Variants in GRM8 observed in about 807,000 individuals in gnomAD.
The protein encoded by GRM8 is metabotropic glutamate receptor 8.
GRM8 carries 47 observed loss-of-function variants against 87.2 expected under a neutral mutation model. The ratio of observed to expected loss-of-function variants is 0.54; its 90% CI spans 0.43 to 0.69. The LOEUF is 0.69. Ranked by LOEUF, GRM8 falls within the 30% of genes least tolerant of loss-of-function variation. The pLI, the probability that GRM8 is intolerant of heterozygous loss-of-function variation, is 0.00. For synonymous variants in GRM8, 396 were observed against 404.5 expected, an observed-to-expected ratio of 0.98 and a Z score of 0.25; for missense variants, 1,019 against 1,139.2, an observed-to-expected ratio of 0.89 and a Z score of 1.52.
At chr7:126,682,601 A>G (rs923408262) in intron 7 of GRM8, among the ~76,000 whole-genome samples, 3 of 152,222 alleles carry the variant, frequency 2.0e-5, no homozygotes, top group African/African-American at 7.2e-5. Flanking sequence ...GCCTGCCAAT[A>G]TTTTAGCAAA....
intron 8 of GRM8, among the ~76,000 whole-genome samples, chr7:126,568,751 T>C (rs1477881673): frequency 6.6e-6 from 1 of 152,138 alleles, no homozygotes; most frequent in East Asian, 1.9e-4. Flanking sequence ...TTCCATAAGA[T>C]TTTGATAATC....
At chr7:126,483,289 C>T (rs1253231401) in intron 9 of GRM8, among the ~76,000 whole-genome samples, 2 of 147,882 alleles carry the variant, frequency 1.4e-5, no homozygotes, top group Non-Finnish European at 3.0e-5. Flanking sequence ...TTTATCTGGT[C>T]TAGAGTATAT....
intron 9 of GRM8, among the ~76,000 whole-genome samples, chr7:126,476,269 A>G (rs762621746): frequency 9.2e-5 from 14 of 152,054 alleles, no homozygotes; most frequent in Non-Finnish European, 7.4e-5. Context: ...GAAAATAAAA[A>G]GATTAGCCAG....
chr7:126,994,057 G>C (rs10236227), intron 3 of GRM8, among the ~76,000 whole-genome samples: 51,134 of 152,032 alleles, frequency 0.34, 8,736 homozygotes, highest in Middle Eastern at 0.38. Context: ...AGGCAGGAAA[G>C]CTTGCAGCAA....
intron 7 of GRM8, among the ~76,000 whole-genome samples, chr7:126,750,651 T>C (rs1280854498): frequency 6.6e-6 from 1 of 152,126 alleles, no homozygotes; most frequent in Non-Finnish European, 1.5e-5. Flanking sequence ...TGTCTTCCAA[T>C]TCTTTAAAAC....
intron 6 of GRM8, among the ~76,000 whole-genome samples, chr7:126,884,078 T>C (rs1444931725): frequency 2.6e-5 from 4 of 152,124 alleles, no homozygotes; most frequent in Non-Finnish European, 5.9e-5. Context: ...GATTTTTTTC[T>C]ATTAGTTCCC....
At chr7:127,085,373 T>C (rs1046471301) in intron 3 of GRM8, among the ~76,000 whole-genome samples, 3 of 152,198 alleles carry the variant, frequency 2.0e-5, no homozygotes, top group African/African-American at 7.2e-5. Context: ...TTGTAGATCC[T>C]TGAGGAATCA....
chr7:126,836,895 G>A (rs1795864156), intron 6 of GRM8, among the ~76,000 whole-genome samples: 1 of 152,026 alleles, frequency 6.6e-6, no homozygotes, highest in African/African-American at 2.4e-5. Context: ...TTAAATTAAT[G>A]AAATCCCAGT....
chr7:126,503,143 TTCA>T (rs1185920123), intron 9 of GRM8, among the ~76,000 whole-genome samples: 1 of 151,976 alleles, frequency 6.6e-6, no homozygotes, highest in East Asian at 1.9e-4. Flanking sequence ...ATTGCTAGCC[TTCA>T]TCTTCTCCTG....
intron 7 of GRM8, among the ~76,000 whole-genome samples, chr7:126,655,981 T>C (rs922577864): frequency 6.6e-6 from 1 of 152,218 alleles, no homozygotes; most frequent in Non-Finnish European, 1.5e-5. Flanking sequence ...CAACCCTTTC[T>C]TCATAGCTGG....
At chr7:127,127,925 T>C (rs955573037) in intron 2 of GRM8, among the ~76,000 whole-genome samples, 1 of 152,062 alleles carries the variant, frequency 6.6e-6, no homozygotes, top group Non-Finnish European at 1.5e-5. Context: ...TCAACACTCA[T>C]GTTCATGCAA....
chr7:127,234,592 G>A (rs1797877620), intron 2 of GRM8, among the ~76,000 whole-genome samples: 1 of 152,298 alleles, frequency 6.6e-6, no homozygotes, highest in Non-Finnish European at 1.5e-5. Flanking sequence ...CAATTTGTAT[G>A]GAGCAGTGCT....
intron 9 of GRM8, among the ~76,000 whole-genome samples, chr7:126,481,685 C>A (rs182317184): frequency 3.9e-5 from 6 of 151,916 alleles, no homozygotes; most frequent in Admixed American, 1.3e-4. Flanking sequence ...TTGAAAAAAA[C>A]CAAGGAAGCA....
chr7:126,858,447 A>T (rs1797871119), intron 6 of GRM8, among the ~76,000 whole-genome samples: 2 of 152,188 alleles, frequency 1.3e-5, no homozygotes, highest in South Asian at 4.1e-4. Context: ...TCCCTCACAC[A>T]GGATGCTCAA....
At chr7:127,187,771 A>G (rs1341497991) in intron 2 of GRM8, among the ~76,000 whole-genome samples, 1 of 151,874 alleles carries the variant, frequency 6.6e-6, no homozygotes, top group Admixed American at 6.6e-5. Flanking sequence ...TCATCTTTCC[A>G]CCCAAGAATA....
chr7:126,762,410 A>G (rs10246921), intron 7 of GRM8, among the ~76,000 whole-genome samples: 2,902 of 152,082 alleles, frequency 0.019, 98 homozygotes, highest in African/African-American at 0.066. Flanking sequence ...GAACTAGGGG[A>G]AAAAAACCTA....
intron 6 of GRM8, among the ~76,000 whole-genome samples, chr7:126,847,526 G>T (rs981233641): frequency 6.6e-6 from 1 of 152,082 alleles, no homozygotes; most frequent in African/African-American, 2.4e-5. Flanking sequence ...TGTAGGGGCT[G>T]GTGTCATCTG....
chr7:126,467,142 C>T (rs1313789940), intron 9 of GRM8, among the ~76,000 whole-genome samples: 2 of 151,958 alleles, frequency 1.3e-5, no homozygotes, highest in East Asian at 3.9e-4. Context: ...TATCCCTCTC[C>T]TAGCCCCCCA....
At chr7:126,654,700 G>A (rs1470167299) in intron 7 of GRM8, among the ~76,000 whole-genome samples, 1 of 152,164 alleles carries the variant, frequency 6.6e-6, no homozygotes, top group Admixed American at 6.5e-5. Context: ...CAATAACAAT[G>A]TCATCATTTC....
Sources: allele counts gnomAD v4.1 joint callset (sites outside exome capture counted in the v4.1 genomes callset), GRCh38; gene constraint gnomAD v4.1.1; transcripts MANE v1.5; gene names NCBI Gene and HGNC (gene_info 2026-07-23, HGNC 2026-07-21).